Variants in CSMD3 observed in about 807,000 individuals in gnomAD.
CSMD3 encodes the protein CUB and sushi domain-containing protein 3.
In CSMD3, 177 loss-of-function variants were observed where a neutral mutation model predicts 435.2. That is an observed-to-expected ratio of 0.41 (90% CI 0.36 to 0.46). The LOEUF (loss-of-function observed/expected upper bound fraction) is 0.46. Ranked by LOEUF, CSMD3 falls within the 20% of genes least tolerant of loss-of-function variation. The probability of loss-of-function intolerance (pLI) is 0.34; values close to 1 mark genes in which losing one functional copy is unlikely to be tolerated. For missense variants in CSMD3, 4,265 were observed against 4,504.6 expected, an observed-to-expected ratio of 0.95 and a Z score of 1.52; for synonymous variants, 1,656 against 1,520.5, an observed-to-expected ratio of 1.09 and a Z score of -2.07.
intron 3 of CSMD3, among the ~76,000 whole-genome samples, chr8:113,244,797 A>G (rs527290761): frequency 6.6e-6 from 1 of 152,194 alleles, no homozygotes; most frequent in Non-Finnish European, 1.5e-5. Flanking sequence ...GTGTTCTGTG[A>G]ATATATGAAG....
intron 63 of CSMD3, among the ~76,000 whole-genome samples, chr8:112,251,290 A>G (rs1402162229): frequency 1.3e-5 from 2 of 151,714 alleles, no homozygotes; most frequent in Non-Finnish European, 3.0e-5. Context: ...AGAAAAATTG[A>G]GGTAGCTTCT....
intron 3 of CSMD3, among the ~76,000 whole-genome samples, chr8:113,268,251 C>T (rs1229402337): frequency 1.3e-5 from 2 of 151,898 alleles, no homozygotes; most frequent in East Asian, 1.9e-4. Context: ...CCACAGAACA[C>T]ATATCTCATC....
intron 13 of CSMD3, among the ~76,000 whole-genome samples, chr8:112,738,599 C>A (rs571969587): frequency 3.8e-4 from 57 of 151,564 alleles, no homozygotes; most frequent in Non-Finnish European, 7.1e-4. Flanking sequence ...TTAAATATTT[C>A]TCAGAAAAAA....
intron 12 of CSMD3, among the ~76,000 whole-genome samples, chr8:112,810,481 GA>G (rs1282162061): frequency 1.3e-5 from 2 of 152,004 alleles, no homozygotes; most frequent in Admixed American, 6.6e-5. Flanking sequence ...TATCAATATA[GA>G]AACAAAAGTA....
chr8:113,330,738 A>T lies in CSMD3; in HGVS notation c.179-15945T>A, dbSNP rs184079416. 5.1e-3 allele frequency among the ~76,000 whole-genome samples: 781 copies of T among 152,052 alleles called. 12 individuals carry two copies. Among genetic ancestry groups the T allele is most frequent in the African/African-American group, 0.018 (754 of 41,560 alleles). On this transcript the variant is annotated intron_variant, in intron 1 of 70. Coordinates refer to ENST00000297405, the MANE Select transcript of CSMD3 (RefSeq NM_198123.2). ...CATATAGTAGTCCATATTAATAAAA[A>T]AATATGAAAATATTTGTACCTAACA...
chr8:112,884,485 T>A (rs2081534687), intron 10 of CSMD3, among the ~76,000 whole-genome samples: 1 of 151,798 alleles, frequency 6.6e-6, no homozygotes, highest in South Asian at 2.1e-4. Flanking sequence ...TATAGAGGGA[T>A]GTCTTGTGCA....
Position 113,385,590 on chromosome 8 carries a change from T to C in CSMD3, c.178+51087A>G, listed in dbSNP as rs556453773. On this transcript the variant is annotated intron_variant, in intron 1 of 70. Coordinates refer to ENST00000297405, the MANE Select transcript of CSMD3 (RefSeq NM_198123.2). ...TTGACTAACATTTTTTGGCATTGACTCTTCTTGTGGGAACAAAAGTGTCAA... is the reference window on the plus strand; with the variant it reads ...TTGACTAACATTTTTTGGCATTGACCCTTCTTGTGGGAACAAAAGTGTCAA... Among the ~76,000 whole-genome samples, 42 of 152,202 alleles carry C rather than the reference T, an allele frequency of 2.8e-4. No homozygotes were observed. In the East Asian group the frequency reaches 8.1e-3, roughly 29 times the overall value.
rs558158415 is a variant in CSMD3 at position 112,961,194 on chromosome 8, T to G, written c.1343-6433A>C. 7.0e-4 allele frequency among the ~76,000 whole-genome samples: 107 copies of G among 151,920 alleles called. 1 individual carries two copies. Among genetic ancestry groups the G allele is most frequent in the African/African-American group, 2.5e-3 (102 of 41,560 alleles). ...TAGTTAGTCTCAGAAGCCATTCTGA[T>G]TTGTGATGCAATATACCAAAAATTT... On this transcript the variant is annotated intron_variant, in intron 7 of 70. Transcript: ENST00000297405.
chr8:112,435,003 A>T (rs1423412285), intron 32 of CSMD3, among the ~76,000 whole-genome samples: 1 of 152,082 alleles, frequency 6.6e-6, no homozygotes, highest in East Asian at 1.9e-4. Context: ...AGCAAAAAGC[A>T]AGGTGCACTT....
intron 7 of CSMD3, among the ~76,000 whole-genome samples, chr8:112,973,726 T>C (rs889373106): frequency 6.6e-6 from 1 of 151,836 alleles, no homozygotes; most frequent in Admixed American, 6.6e-5. Context: ...CCCCTACTCT[T>C]AACATTGATG....
At chr8:113,154,120 T>A (rs1188149173) in intron 4 of CSMD3, among the ~76,000 whole-genome samples, 1 of 152,036 alleles carries the variant, frequency 6.6e-6, no homozygotes, top group Non-Finnish European at 1.5e-5. Flanking sequence ...ATTTAAAAAA[T>A]TTTATACAGA....
intron 10 of CSMD3, among the ~76,000 whole-genome samples, chr8:112,875,280 GA>G (rs1156799402): frequency 6.6e-6 from 1 of 152,160 alleles, no homozygotes. Flanking sequence ...TTTCTGCAGA[GA>G]GTTCCACCGT....
At chr8:112,498,870 T>C (rs1407190336) in intron 30 of CSMD3, among the ~76,000 whole-genome samples, 1 of 152,140 alleles carries the variant, frequency 6.6e-6, no homozygotes, top group African/African-American at 2.4e-5. Context: ...TAAAGAATGT[T>C]ATTATTCTAA....
intron 13 of CSMD3, among the ~76,000 whole-genome samples, chr8:112,710,273 G>A (rs544780521): frequency 1.3e-5 from 2 of 152,102 alleles, no homozygotes; most frequent in East Asian, 1.9e-4. Flanking sequence ...TCTTTTACTT[G>A]AGAACAAACT....
At chr8:112,859,610 C>T (rs2080766099) in intron 10 of CSMD3, among the ~76,000 whole-genome samples, 1 of 151,646 alleles carries the variant, frequency 6.6e-6, no homozygotes, top group African/African-American at 2.4e-5. Flanking sequence ...GAAACAGAGC[C>T]TTGGGTTAAT....
At chr8:112,435,291 C>A (rs1057317990) in intron 32 of CSMD3, among the ~76,000 whole-genome samples, 1 of 152,010 alleles carries the variant, frequency 6.6e-6, no homozygotes, top group African/African-American at 2.4e-5. Flanking sequence ...ACAAAAACAA[C>A]AAGAATAAGG....
intron 8 of CSMD3, among the ~76,000 whole-genome samples, chr8:112,952,317 G>T (rs2083847133): frequency 6.6e-6 from 1 of 151,536 alleles, no homozygotes; most frequent in South Asian, 2.1e-4. Context: ...GGAATTTGAT[G>T]TCCTCCATGC....
chr8:112,811,635 T>A (rs2079231481), intron 12 of CSMD3, among the ~76,000 whole-genome samples: 1 of 152,174 alleles, frequency 6.6e-6, no homozygotes, highest in South Asian at 2.1e-4. Context: ...ATTATATCTG[T>A]CAAGCTATAT....
chr8:113,328,184 A>G (rs1193518694), intron 1 of CSMD3, among the ~76,000 whole-genome samples: 1 of 152,024 alleles, frequency 6.6e-6, no homozygotes, highest in Admixed American at 6.6e-5. Flanking sequence ...CACGCCTGTA[A>G]TCCCAGCACT....
Sources: allele counts gnomAD v4.1 joint callset (sites outside exome capture counted in the v4.1 genomes callset), GRCh38; gene constraint gnomAD v4.1.1; transcripts MANE v1.5; gene names NCBI Gene and HGNC (gene_info 2026-07-23, HGNC 2026-07-21).